The following EBF1 variants were observed in gnomAD, a reference collection of about 807,000 sequenced individuals.
EBF1 encodes the protein transcription factor COE1.
EBF1 carries 10 observed loss-of-function variants against 68.4 expected under a neutral mutation model. The observed-to-expected ratio is 0.15, with a 90% CI of 0.09 to 0.25. The LOEUF is 0.25. Among genes scored for constraint, EBF1 ranks in the 10% least tolerant of loss-of-function variants. EBF1 has a pLI of 1.00. For synonymous variants in EBF1, 298 were observed against 299.8 expected (o/e 0.99, Z 0.06); for missense variants, 509 against 794.4 (o/e 0.64, Z 4.32).
chr5:158,776,191 AT>A (rs1775201319), intron 10 of EBF1, among the ~76,000 whole-genome samples: 1 of 152,102 alleles, frequency 6.6e-6, no homozygotes, highest in Non-Finnish European at 1.5e-5. Flanking sequence ...TCTTGGGTCA[AT>A]CCTATAATTT....
At chr5:158,782,421 C>T (rs922700960) in intron 9 of EBF1, among the ~76,000 whole-genome samples, 7 of 152,010 alleles carry the variant, frequency 4.6e-5, no homozygotes, top group South Asian at 2.1e-4. Flanking sequence ...CAGTTTGGGA[C>T]GCTGAGGCAG....
chr5:159,036,509 C>A (rs1326039476), intron 6 of EBF1, among the ~76,000 whole-genome samples: 3 of 137,136 alleles, frequency 2.2e-5, no homozygotes, highest in Non-Finnish European at 3.1e-5. Context: ...CGCATACCTA[C>A]AACTATCTGA....
intron 6 of EBF1, among the ~76,000 whole-genome samples, chr5:158,888,866 C>T (rs139841600): frequency 6.6e-6 from 1 of 152,030 alleles, no homozygotes; most frequent in Non-Finnish European, 1.5e-5. Context: ...CATCTTCCCA[C>T]CAGATTTTCC....
chr5:159,017,533 C>A (rs1765857400), intron 6 of EBF1, among the ~76,000 whole-genome samples: 1 of 152,296 alleles, frequency 6.6e-6, no homozygotes, highest in Admixed American at 6.5e-5. Context: ...TGGACATATC[C>A]CAGTAGGTCT....
rs536182154 is a variant in EBF1 at position 158,834,929 on chromosome 5, G to A, written c.636+5100C>T. Among the ~76,000 whole-genome samples, 3 of 152,346 alleles carry A rather than the reference G, an allele frequency of 2.0e-5. No homozygotes were observed. The South Asian group carries it at 6.2e-4, about 32-fold the overall frequency. On this transcript the variant is annotated intron_variant, in intron 7 of 15. Coordinates refer to ENST00000313708, the MANE Select transcript of EBF1 (RefSeq NM_024007.5). ...AGAGAGGGTGTCTTCAGTCAGATGT[G>A]CCAGGACTCAGGTTTTCAATAAAAC...
At chr5:158,842,179 G>A (rs1790463592) in intron 6 of EBF1, among the ~76,000 whole-genome samples, 1 of 152,244 alleles carries the variant, frequency 6.6e-6, no homozygotes, top group South Asian at 2.1e-4. Context: ...GGTTAAGGGA[G>A]TGGCCCAAAT....
At chr5:158,941,329 G>T in intron 6 of EBF1, 1 of 447,690 alleles carries the variant, frequency 2.2e-6, no homozygotes, top group Non-Finnish European at 4.5e-6. Context: ...AATTCTTGTA[G>T]CAAGAACCCA....
chr5:158,942,779 G>A (rs973587532), intron 6 of EBF1, among the ~76,000 whole-genome samples: 2 of 151,542 alleles, frequency 1.3e-5, no homozygotes, highest in East Asian at 1.9e-4. Flanking sequence ...CAGGGTTGGC[G>A]CCATACATCT....
intron 6 of EBF1, among the ~76,000 whole-genome samples, chr5:159,032,807 T>G (rs1769190104): frequency 6.6e-6 from 1 of 152,192 alleles, no homozygotes; most frequent in Admixed American, 6.5e-5. Context: ...TTTTGCTCAG[T>G]GCTTACAACC....
chr5:158,748,339 G>A (rs1768043120), intron 10 of EBF1, among the ~76,000 whole-genome samples: 1 of 152,114 alleles, frequency 6.6e-6, no homozygotes, highest in African/African-American at 2.4e-5. Flanking sequence ...CAAGTAAGTT[G>A]AAAATGGTTA....
chr5:159,013,883 T>C (rs546853902), intron 6 of EBF1, among the ~76,000 whole-genome samples: 12 of 152,322 alleles, frequency 7.9e-5, no homozygotes, highest in Non-Finnish European at 1.6e-4. Context: ...TTCCAACTTC[T>C]GGCTGAAAAA....
chr5:159,014,579 A>T (rs1765308002), intron 6 of EBF1, among the ~76,000 whole-genome samples: 1 of 152,256 alleles, frequency 6.6e-6, no homozygotes, highest in Non-Finnish European at 1.5e-5. Context: ...CAAAGTCACT[A>T]TGGTGACAAG....
chr5:158,921,102 T>C (rs1279474587), intron 6 of EBF1, among the ~76,000 whole-genome samples: 1 of 152,212 alleles, frequency 6.6e-6, no homozygotes, highest in Non-Finnish European at 1.5e-5. Flanking sequence ...TGCACACGTT[T>C]ATGCGTTTGA....
Position 158,696,005 on chromosome 5 carries a change from T to A in EBF1, c.*3106A>T, listed in dbSNP as rs975627959. ...AATTTTTGCAAAAAAAAAAAAAAAA[T>A]TTAACAATCTCTACAGTAGTTAGGT... On this transcript the variant is annotated 3_prime_UTR_variant, in exon 16 of 16. Coordinates refer to ENST00000313708, the MANE Select transcript of EBF1 (RefSeq NM_024007.5). The A allele has an allele frequency of 1.3e-4, 25 of 186,428 alleles. No individual in the cohort carries two copies. The highest frequency in any genetic ancestry group is 2.7e-4 in the East Asian group (3 of 11,022). The allele number at this position is 186,428 out of a possible 1,614,324, so 11.5% of individuals were successfully genotyped here.
chr5:159,089,334 G>T (rs138341513), intron 4 of EBF1, among the ~76,000 whole-genome samples: 3 of 152,104 alleles, frequency 2.0e-5, no homozygotes, highest in Middle Eastern at 3.2e-3. Flanking sequence ...AAAGTAACCT[G>T]TAATATCTTT....
chr5:159,027,345 C>T (rs578033444), intron 6 of EBF1, among the ~76,000 whole-genome samples: 23 of 152,150 alleles, frequency 1.5e-4, no homozygotes, highest in Admixed American at 2.6e-4. Flanking sequence ...CCTTACTCCT[C>T]CAAGTTACTA....
intron 6 of EBF1, among the ~76,000 whole-genome samples, chr5:158,975,099 G>C (rs1367144230): frequency 6.6e-6 from 1 of 152,198 alleles, no homozygotes; most frequent in Non-Finnish European, 1.5e-5. Context: ...AACCTTGGTA[G>C]AGAAAGTCAC....
At chr5:159,043,845 A>T (rs2127785206) in intron 6 of EBF1, among the ~76,000 whole-genome samples, 1 of 152,196 alleles carries the variant, frequency 6.6e-6, no homozygotes, top group East Asian at 1.9e-4. Flanking sequence ...CCAAGACACT[A>T]CTCCAGAAAA....
intron 10 of EBF1, among the ~76,000 whole-genome samples, chr5:158,744,540 A>C (rs1266306362): frequency 6.6e-6 from 1 of 152,228 alleles, no homozygotes. Flanking sequence ...CATAAATGGC[A>C]CACACAGTTT....
Sources: allele counts gnomAD v4.1 joint callset (sites outside exome capture counted in the v4.1 genomes callset), GRCh38; gene constraint gnomAD v4.1.1; transcripts MANE v1.5; gene names NCBI Gene and HGNC (gene_info 2026-07-23, HGNC 2026-07-21).